Variants in ITGBL1 observed in about 807,000 individuals in gnomAD.
The protein encoded by ITGBL1 is integrin beta-like protein 1.
A neutral mutation model predicts 68.5 loss-of-function variants in ITGBL1; 51 were observed. The observed-to-expected ratio is 0.74, with a 90% CI of 0.59 to 0.94. ITGBL1 has a LOEUF of 0.94. Among genes scored for constraint, ITGBL1 ranks in the 40% least tolerant of loss-of-function variants. The pLI, the probability that ITGBL1 is intolerant of heterozygous loss-of-function variation, is 0.00. For missense variants in ITGBL1, 649 were observed against 647.4 expected (o/e 1.00, Z -0.03); for synonymous variants, 209 against 227.3 (o/e 0.92, Z 0.72).
chr13:101,633,098 T>A (rs558863021), intron 7 of ITGBL1, among the ~76,000 whole-genome samples: 1 of 152,338 alleles, frequency 6.6e-6, no homozygotes, highest in Admixed American at 6.5e-5. Flanking sequence ...TTGGAAGGGC[T>A]GAAAAGAATG....
At chr13:101,666,318 C>A (rs2033216124) in intron 7 of ITGBL1, among the ~76,000 whole-genome samples, 2 of 152,098 alleles carry the variant, frequency 1.3e-5, no homozygotes, top group African/African-American at 2.4e-5. Context: ...TCTTGGACTG[C>A]CTCCTTTTAG....
intron 2 of ITGBL1, among the ~76,000 whole-genome samples, chr13:101,482,833 C>G (rs1417763584): frequency 1.3e-5 from 2 of 152,098 alleles, no homozygotes; most frequent in Admixed American, 1.3e-4. Context: ...GTAGTTAGGA[C>G]TGTGATTTCC....
chr13:101,620,339 T>C (rs2031535009), intron 7 of ITGBL1, among the ~76,000 whole-genome samples: 2 of 152,168 alleles, frequency 1.3e-5, no homozygotes, highest in African/African-American at 4.8e-5. Flanking sequence ...AAATTACATT[T>C]TTATATCAGA....
At chr13:101,550,334 G>A (rs2049900358) in intron 2 of ITGBL1, among the ~76,000 whole-genome samples, 1 of 152,132 alleles carries the variant, frequency 6.6e-6, no homozygotes, top group African/African-American at 2.4e-5. Context: ...TGGGGCAAAG[G>A]TCAGGAATAC....
At chr13:101,606,106 C>G (rs1566754825) in intron 7 of ITGBL1, among the ~76,000 whole-genome samples, 2 of 131,396 alleles carry the variant, frequency 1.5e-5, no homozygotes, top group African/African-American at 5.5e-5. Context: ...TATGCTCTCT[C>G]TCTCTCTATA....
chr13:101,605,205 CGT>C (rs2030696790), intron 7 of ITGBL1, among the ~76,000 whole-genome samples: 1 of 141,556 alleles, frequency 7.1e-6, no homozygotes, highest in African/African-American at 2.7e-5. Context: ...TGTGTATATG[CGT>C]ATATATACAC....
At chr13:101,701,545 A>AATAAT (rs1387914725) in intron 8 of ITGBL1, among the ~76,000 whole-genome samples, 5 of 152,002 alleles carry the variant, frequency 3.3e-5, no homozygotes, top group African/African-American at 1.2e-4. Context: ...AATAAAATAA[A>AATAAT]ATAATAATAA....
At chr13:101,495,723 A>T (rs1566701460) in intron 2 of ITGBL1, among the ~76,000 whole-genome samples, 1 of 152,016 alleles carries the variant, frequency 6.6e-6, no homozygotes, top group Admixed American at 6.6e-5. Context: ...AAGAAGATTA[A>T]GGGGGGGTCT....
At chr13:101,553,252 A>G (rs2049950051) in intron 2 of ITGBL1, among the ~76,000 whole-genome samples, 1 of 152,140 alleles carries the variant, frequency 6.6e-6, no homozygotes, top group Non-Finnish European at 1.5e-5. Flanking sequence ...TACTTTTGTT[A>G]AGAACTTTTT....
At chr13:101,670,365 C>T (rs920381931) in intron 7 of ITGBL1, among the ~76,000 whole-genome samples, 4 of 152,058 alleles carry the variant, frequency 2.6e-5, no homozygotes, top group Admixed American at 6.6e-5. Flanking sequence ...GCAGGAGGTT[C>T]GTGTTTGTGT....
At chr13:101,480,886 A>G (rs555600332) in intron 2 of ITGBL1, among the ~76,000 whole-genome samples, 38 of 152,004 alleles carry the variant, frequency 2.5e-4, no homozygotes, top group African/African-American at 8.9e-4. Flanking sequence ...TTAAGGTAGG[A>G]TATCATGGAC....
intron 8 of ITGBL1, among the ~76,000 whole-genome samples, chr13:101,693,824 A>G (rs2033939393): frequency 6.6e-6 from 1 of 152,144 alleles, no homozygotes; most frequent in South Asian, 2.1e-4. Context: ...CCTGTTAATG[A>G]CTGAGGTTAG....
intron 7 of ITGBL1, among the ~76,000 whole-genome samples, chr13:101,644,576 A>C (rs2139437671): frequency 6.6e-6 from 1 of 152,284 alleles, no homozygotes; most frequent in East Asian, 1.9e-4. Flanking sequence ...AAGTAAACAA[A>C]AGCTGCCAAA....
intron 2 of ITGBL1, among the ~76,000 whole-genome samples, chr13:101,496,152 C>T (rs953979070): frequency 6.6e-6 from 1 of 152,092 alleles, no homozygotes; most frequent in African/African-American, 2.4e-5. Context: ...TAATATGTAA[C>T]CTATTTTTGT....
intron 7 of ITGBL1, among the ~76,000 whole-genome samples, chr13:101,604,099 A>G (rs1269963730): frequency 6.6e-6 from 1 of 151,928 alleles, no homozygotes; most frequent in Non-Finnish European, 1.5e-5. Context: ...ATGTCAAACC[A>G]TATAATAGAA....
intron 3 of ITGBL1, among the ~76,000 whole-genome samples, chr13:101,572,638 T>C (rs2050291619): frequency 6.6e-6 from 1 of 152,044 alleles, no homozygotes; most frequent in African/African-American, 2.4e-5. Flanking sequence ...GGCGTCCATA[T>C]GCCATGTCTT....
intron 2 of ITGBL1, among the ~76,000 whole-genome samples, chr13:101,458,450 A>C (rs2048274126): frequency 6.6e-6 from 1 of 152,204 alleles, no homozygotes; most frequent in African/African-American, 2.4e-5. Flanking sequence ...ATATGTTGAG[A>C]ATTACAGTTG....
intron 10 of ITGBL1, 187 bp downstream of exon 10, chr13:101,714,738 G>GAAGAATAC (rs776978396): frequency 1.2e-4 from 68 of 577,584 alleles, no homozygotes; most frequent in Admixed American, 5.5e-4. Flanking sequence ...CCTAGGCATA[G>GAAGAATAC]AAGAATACAA....
chr13:101,458,666 G>A (rs1566683314), intron 2 of ITGBL1, among the ~76,000 whole-genome samples: 2 of 152,126 alleles, frequency 1.3e-5, no homozygotes, highest in East Asian at 3.9e-4. Context: ...TGTAGTATTT[G>A]CATGTAACCT....
Sources: gnomAD v4.1 joint callset for allele counts (sites outside exome capture counted in the v4.1 genomes callset) on GRCh38, gnomAD v4.1.1 for gene constraint, MANE v1.5 for transcripts, NCBI Gene and HGNC (gene_info 2026-07-23, HGNC 2026-07-21) for gene names.